The following RPTOR variants were observed in gnomAD, a reference collection of about 807,000 sequenced individuals.
RPTOR encodes regulatory associated protein of MTOR complex 1.
A neutral mutation model predicts 169.9 loss-of-function variants in RPTOR; 21 were observed. The ratio of observed to expected loss-of-function variants is 0.12; its 90% CI spans 0.09 to 0.18. RPTOR has a LOEUF of 0.18. RPTOR is among the 10% of genes least tolerant of loss of function. The pLI is 1.00. For missense variants in RPTOR, 1,133 were observed against 1,855.9 expected, an observed-to-expected ratio of 0.61 and a Z score of 7.16; for synonymous variants, 732 against 753.2, an observed-to-expected ratio of 0.97 and a Z score of 0.46.
chr17:80,545,707 A>G lies in RPTOR; in HGVS notation c.78A>G (p.Leu26=), dbSNP rs1041137445. 4 of 1,613,698 alleles carry G rather than the reference A, an allele frequency of 2.5e-6. No individual in the cohort carries two copies. The highest frequency in any genetic ancestry group is 3.4e-6 in the Non-Finnish European group (4 of 1,179,878). Residue 26 remains leucine, a synonymous_variant, in exon 1 of 34, where the codon CTA becomes CTG. Transcript: ENST00000306801. ...AGGCTGATCTTACAGACTGGAACCT[A>G]CCTTTGGCTTTTATGAAAAAGAGGC... ...EDEADLTDWN[L]PLAFMKKRHC... is the part of the protein sequence containing the mutation.
chr17:80,626,696 A>AT (rs2065397096), intron 2 of RPTOR, among the ~76,000 whole-genome samples: 1 of 149,520 alleles, frequency 6.7e-6, no homozygotes, highest in African/African-American at 2.5e-5. Flanking sequence ...ATTTGAACCT[A>AT]TGCAGTTCAA....
chr17:80,945,370 A>C (rs1342250469), intron 25 of RPTOR, among the ~76,000 whole-genome samples: 4 of 152,114 alleles, frequency 2.6e-5, no homozygotes, highest in African/African-American at 9.7e-5. Flanking sequence ...AGGCGGGCAG[A>C]TCACAAGGTC....
rs530194681 is a variant in RPTOR at position 80,910,971 on chromosome 17, C to A, written c.2520+2042C>A. 5.1e-4 allele frequency among the ~76,000 whole-genome samples: 78 copies of A among 152,194 alleles called. 1 individual carries two copies. Among genetic ancestry groups the A allele is most frequent in the Non-Finnish European group, 1.0e-4 (7 of 68,012 alleles). ...TCAGCCTCCCAAGTAGCTGGGACTA[C>A]AGGCGTGAGCCACCACACCCGGCTA... is the stretch of plus-strand genomic sequence containing the variant. On this transcript the variant is annotated intron_variant, in intron 21 of 33. Coordinates refer to ENST00000306801, the MANE Select transcript of RPTOR (RefSeq NM_020761.3).
intron 3 of RPTOR, among the ~76,000 whole-genome samples, chr17:80,665,332 C>CT (rs2065756105): frequency 4.5e-5 from 3 of 67,128 alleles, no homozygotes; most frequent in African/African-American, 2.3e-4. Context: ...TTTTCTTTTC[C>CT]CTTTCCTTTC....
At chr17:80,829,986 C>T (rs2067485695) in intron 9 of RPTOR, among the ~76,000 whole-genome samples, 2 of 152,144 alleles carry the variant, frequency 1.3e-5, no homozygotes, top group Non-Finnish European at 2.9e-5. Flanking sequence ...GAGTCAGTTC[C>T]ATTTAATGCT....
chr17:80,849,765 G>A lies in RPTOR; in HGVS notation c.1314+3191G>A, dbSNP rs779153913. Among the ~76,000 whole-genome samples the A allele has an allele frequency of 8.5e-5, 13 of 152,282 alleles. No homozygotes were observed. In the Middle Eastern group the frequency reaches 0.01, roughly 120 times the overall value. ...GAACTCCTGACCTTGTGATCCACCC[G>A]CCTCGGCCTCCCAAAGTGCTGGGAT... On this transcript the variant is annotated intron_variant, in intron 11 of 33. Transcript: ENST00000306801.
chr17:80,805,582 CG>C (rs2067210302), intron 7 of RPTOR: 1 of 152,162 alleles, frequency 6.6e-6, no homozygotes, highest in African/African-American at 2.4e-5. Context: ...GCCCTGACAC[CG>C]GGAAGCCCAC....
intron 24 of RPTOR, among the ~76,000 whole-genome samples, chr17:80,934,128 G>A (rs1342719210): frequency 6.6e-6 from 1 of 151,472 alleles, no homozygotes; most frequent in Non-Finnish European, 1.5e-5. Context: ...AATAGTTCCT[G>A]TCTATTAAAG....
chr17:80,921,691 T>C (rs912391063), intron 21 of RPTOR, among the ~76,000 whole-genome samples: 1 of 152,206 alleles, frequency 6.6e-6, no homozygotes, highest in Non-Finnish European at 1.5e-5. Flanking sequence ...GGCAGGAGGC[T>C]CTCAGAGCCC....
chr17:80,738,664 G>C (rs2066455184), intron 5 of RPTOR, among the ~76,000 whole-genome samples: 1 of 152,154 alleles, frequency 6.6e-6, no homozygotes, highest in Non-Finnish European at 1.5e-5. Context: ...ACAATCATGT[G>C]TTGTCTTGTA....
At position 80,786,041 on chromosome 17, in the gene RPTOR, A is replaced by G. The variant is rs114029452; in HGVS notation, c.831-5409A>G. Among the ~76,000 whole-genome samples the G allele has an allele frequency of 8.1e-3, 1,228 of 152,280 alleles. 21 individuals carry two copies. Among genetic ancestry groups the G allele is most frequent in the African/African-American group, 0.028 (1,184 of 41,564 alleles). On this transcript the variant is annotated intron_variant, in intron 6 of 33. Coordinates refer to ENST00000306801, the MANE Select transcript of RPTOR (RefSeq NM_020761.3). ...GGGTGGGTGGTGGTGTCCCGGAACCAGTCCCCCAGGGATACCCAGGGATGA... is the reference window on the plus strand; with the variant it reads ...GGGTGGGTGGTGGTGTCCCGGAACCGGTCCCCCAGGGATACCCAGGGATGA...
chr17:80,785,347 A>C (rs2066981076), intron 6 of RPTOR, among the ~76,000 whole-genome samples: 1 of 151,656 alleles, frequency 6.6e-6, no homozygotes, highest in Non-Finnish European at 1.5e-5. Flanking sequence ...AATGTAAAAC[A>C]TTTTATTTGG....
At chr17:80,927,524 C>T (rs1177072371) in intron 24 of RPTOR, among the ~76,000 whole-genome samples, 1 of 152,064 alleles carries the variant, frequency 6.6e-6, no homozygotes, top group East Asian at 1.9e-4. Context: ...AAAGGATTTG[C>T]TTTCCTTTCC....
chr17:80,791,625 G>T, intron 7 of RPTOR, 116 bp downstream of exon 7: 1 of 860,012 alleles, frequency 1.2e-6, no homozygotes, highest in Non-Finnish European at 1.8e-6. Context: ...TCCCTTTCAT[G>T]TGGCTGTGTT....
chr17:80,787,514 T>G (rs2067005354), intron 6 of RPTOR, among the ~76,000 whole-genome samples: 2 of 152,252 alleles, frequency 1.3e-5, no homozygotes, highest in Non-Finnish European at 2.9e-5. Flanking sequence ...TTTGAACACA[T>G]GCAAGAATTT....
At chr17:80,910,592 G>A (rs567181884) in intron 21 of RPTOR, among the ~76,000 whole-genome samples, 6 of 152,184 alleles carry the variant, frequency 3.9e-5, no homozygotes, top group Admixed American at 3.3e-4. Flanking sequence ...CTGCAGGGTC[G>A]AGGAGCCACG....
chr17:80,568,614 C>T (rs2064870482), intron 1 of RPTOR, among the ~76,000 whole-genome samples: 1 of 152,160 alleles, frequency 6.6e-6, no homozygotes, highest in Non-Finnish European at 1.5e-5. Flanking sequence ...TACTTTTCAC[C>T]AAAATTTTGG....
chr17:80,780,357 G>C (rs772503684), intron 6 of RPTOR, among the ~76,000 whole-genome samples: 1 of 152,114 alleles, frequency 6.6e-6, no homozygotes, highest in Non-Finnish European at 1.5e-5. Context: ...GAGAGACAGG[G>C]ATGTACACGA....
intron 5 of RPTOR, among the ~76,000 whole-genome samples, chr17:80,738,143 G>A (rs1456974073): frequency 6.6e-6 from 1 of 152,210 alleles, no homozygotes; most frequent in African/African-American, 2.4e-5. Context: ...ACGCCTGCCA[G>A]TGGGTGCTGG....
Sources: gnomAD v4.1 joint callset for allele counts (sites outside exome capture counted in the v4.1 genomes callset) on GRCh38, gnomAD v4.1.1 for gene constraint, MANE v1.5 for transcripts, NCBI Gene and HGNC (gene_info 2026-07-23, HGNC 2026-07-21) for gene names.